The following TMEFF1 variants were observed in gnomAD, a reference collection of about 807,000 sequenced individuals.
TMEFF1 encodes the protein tomoregulin-1.
A neutral mutation model predicts 47.5 loss-of-function variants in TMEFF1; 20 were observed. The observed-to-expected ratio is 0.42, with a 90% CI of 0.30 to 0.61. The LOEUF is 0.61. Among genes scored for constraint, TMEFF1 ranks in the 20% least tolerant of loss-of-function variants. TMEFF1 has a pLI of 0.19. For synonymous variants in TMEFF1, 162 were observed against 166.3 expected (o/e 0.97, Z 0.20); for missense variants, 411 against 471.1 (o/e 0.87, Z 1.18).
chr9:100,573,459 G>T (rs2118584994), intron 9 of TMEFF1, among the ~76,000 whole-genome samples: 1 of 152,270 alleles, frequency 6.6e-6, no homozygotes, highest in South Asian at 2.1e-4. Context: ...ACATAAGTCA[G>T]ACTGAACTGG....
Position 100,576,889 on chromosome 9 carries a change from A to G in TMEFF1, c.*289A>G, listed in dbSNP as rs1193472732. ...TTTTGCAAAGATGGACTACTTCACA[A>G]ATGGTTATAAAGTCATATCCACTTC... On this transcript the variant is annotated 3_prime_UTR_variant, in exon 10 of 10. Transcript: ENST00000374879. 4.1e-6 allele frequency: 1 copy of G among 244,118 alleles called. No homozygotes were observed. The highest frequency in any genetic ancestry group is 2.2e-5 in the African/African-American group (1 of 44,526). 15.1% of individuals were successfully genotyped at this position (244,118 alleles called of 1,614,324 possible).
rs368765721 is a variant in TMEFF1, at chr9:100,506,639, C to T, written c.307-2366C>T. On this transcript the variant is annotated intron_variant, in intron 2 of 9. Transcript: ENST00000374879. ...AAAATTAGCCGGACGTGGTGGCGGGCGCCTGTAGTCCCAGCTACTCGGGAG... is the reference window on the plus strand; with the variant it reads ...AAAATTAGCCGGACGTGGTGGCGGGTGCCTGTAGTCCCAGCTACTCGGGAG... 7.3e-5 allele frequency among the ~76,000 whole-genome samples: 11 copies of T among 151,476 alleles called. No homozygotes were observed. In the East Asian group the frequency reaches 1.2e-3, roughly 16 times the overall value.
chr9:100,508,872 A>C (rs1205655417), intron 2 of TMEFF1, 133 bp from the exon 3 acceptor site: 3 of 253,758 alleles, frequency 1.2e-5, no homozygotes, highest in East Asian at 1.6e-4. Flanking sequence ...TTTTTAAGCC[A>C]AAAAAAAAAA....
Position 100,572,666 on chromosome 9 carries a change from T to C in TMEFF1, c.1048T>C (p.Cys350Arg). ...QIAIIVAIVMCITRKCPKNNR... is the reference protein window; with the variant it reads ...QIAIIVAIVMRITRKCPKNNR... ...TGCCATCATAGTAGCAATTGTAATG[T>C]GCATAACAAGGTAGGTAATGATGTA... The change falls in exon 9 of 10, where the codon TGC becomes CGC. Residue 350 changes from cysteine (C) to arginine (R), a missense_variant. Physicochemically the swap from Cys to Arg is radical, Grantham distance 180. Coordinates refer to ENST00000374879, the MANE Select transcript of TMEFF1 (RefSeq NM_003692.5). 6.2e-7 allele frequency: 1 copy of C among 1,608,022 alleles called. No individual in the cohort carries two copies. Among genetic ancestry groups the C allele is most frequent in the Non-Finnish European group, 8.5e-7 (1 of 1,178,012 alleles).
chr9:100,486,040 T>TC (rs1369052522), intron 1 of TMEFF1, among the ~76,000 whole-genome samples: 2 of 125,982 alleles, frequency 1.6e-5, no homozygotes, highest in East Asian at 2.0e-4. Context: ...TCTCTCTCTC[T>TC]TTTTTTTTTT....
chr9:100,531,828 T>C (rs1019835281), intron 5 of TMEFF1, among the ~76,000 whole-genome samples: 1 of 152,132 alleles, frequency 6.6e-6, no homozygotes, highest in Non-Finnish European at 1.5e-5. Flanking sequence ...TCACACTACC[T>C]GACTTCAAAC....
chr9:100,547,703 T>G (rs1226394226), intron 5 of TMEFF1, 41 bp from the exon 6 acceptor site: 2 of 1,435,218 alleles, frequency 1.4e-6, no homozygotes, highest in Non-Finnish European at 1.8e-6. Context: ...TGTGAAATAT[T>G]TTTGTTGTAA....
rs535000298 is a variant in TMEFF1, at chr9:100,535,909, C to T, written c.561-11835C>T. On this transcript the variant is annotated intron_variant, in intron 5 of 9. Transcript: ENST00000374879. ...TACTCTTTTTCACATTATTTCACTG[C>T]AGCTTACCTGTAGCCATGAGAATAA... Among the ~76,000 whole-genome samples, 3 of 152,272 alleles carry T rather than the reference C, an allele frequency of 2.0e-5. No individual in the cohort carries two copies. In the South Asian group the frequency reaches 6.2e-4, roughly 32 times the overall value.
At chr9:100,504,197 C>T (rs1012723956) in intron 2 of TMEFF1, among the ~76,000 whole-genome samples, 1 of 152,210 alleles carries the variant, frequency 6.6e-6, no homozygotes, top group Non-Finnish European at 1.5e-5. Context: ...TTAGAATCCA[C>T]CATCAGTGCA....
chr9:100,531,818 T>A (rs1838385185), intron 5 of TMEFF1, among the ~76,000 whole-genome samples: 1 of 152,164 alleles, frequency 6.6e-6, no homozygotes, highest in Non-Finnish European at 1.5e-5. Context: ...GGTGGAGGCA[T>A]CACACTACCT....
intron 8 of TMEFF1, among the ~76,000 whole-genome samples, chr9:100,567,119 T>C (rs1839140313): frequency 1.3e-5 from 2 of 152,170 alleles, no homozygotes; most frequent in African/African-American, 4.8e-5. Flanking sequence ...CCTACAGTTT[T>C]GTCTCTTCAC....
chr9:100,528,996 T>A (rs1407553054), intron 5 of TMEFF1, among the ~76,000 whole-genome samples: 1 of 147,750 alleles, frequency 6.8e-6, no homozygotes, highest in Non-Finnish European at 1.5e-5. Flanking sequence ...AAACTAAGCT[T>A]CATAAGTGAA....
chr9:100,478,293 T>C (rs1188206519), intron 1 of TMEFF1, among the ~76,000 whole-genome samples: 3 of 152,232 alleles, frequency 2.0e-5, no homozygotes, highest in African/African-American at 7.2e-5. Context: ...GGTTTATCTC[T>C]TCTTGTTCTC....
intron 2 of TMEFF1, among the ~76,000 whole-genome samples, chr9:100,503,744 C>T (rs764776717): frequency 4.6e-5 from 7 of 152,118 alleles, no homozygotes; most frequent in African/African-American, 9.7e-5. Context: ...CTAGCTTAAG[C>T]GGTCAAGCAA....
intron 7 of TMEFF1, among the ~76,000 whole-genome samples, chr9:100,558,295 A>T (rs1838953493): frequency 6.6e-6 from 1 of 151,964 alleles, no homozygotes; most frequent in East Asian, 1.9e-4. Context: ...GGACTTTATT[A>T]TCATAGGTTG....
intron 1 of TMEFF1, among the ~76,000 whole-genome samples, chr9:100,497,746 TG>T (rs1372912482): frequency 1.3e-5 from 2 of 152,144 alleles, no homozygotes; most frequent in African/African-American, 4.8e-5. Flanking sequence ...TGGGGATAAC[TG>T]GAGAAATGCT....
intron 1 of TMEFF1, among the ~76,000 whole-genome samples, chr9:100,486,585 C>T (rs535712981): frequency 6.6e-6 from 1 of 152,286 alleles, no homozygotes; most frequent in South Asian, 2.1e-4. Context: ...TTTGCATTTT[C>T]TGTTTATGCT....
chr9:100,568,157 G>T (rs1839161318), intron 8 of TMEFF1, among the ~76,000 whole-genome samples: 2 of 152,300 alleles, frequency 1.3e-5, no homozygotes, highest in African/African-American at 4.8e-5. Context: ...CCAAAAGTCA[G>T]TTGGAGAAAA....
At chr9:100,522,244 A>T (rs1326968664) in intron 5 of TMEFF1, among the ~76,000 whole-genome samples, 1 of 152,118 alleles carries the variant, frequency 6.6e-6, no homozygotes, top group Non-Finnish European at 1.5e-5. Context: ...GTCATTTAGC[A>T]CTGCCTTATT....
Sources: allele counts gnomAD v4.1 joint callset (sites outside exome capture counted in the v4.1 genomes callset), GRCh38; gene constraint gnomAD v4.1.1; transcripts MANE v1.5; gene names NCBI Gene and HGNC (gene_info 2026-07-23, HGNC 2026-07-21).